The following INPP4B variants were observed in gnomAD, a reference collection of about 807,000 sequenced individuals.
INPP4B encodes inositol polyphosphate 4-phosphatase type II.
In INPP4B, 55 loss-of-function variants were observed where a neutral mutation model predicts 122.5. The ratio of observed to expected loss-of-function variants is 0.45; its 90% CI spans 0.36 to 0.56. INPP4B has a LOEUF of 0.56. Ranked by LOEUF, INPP4B falls within the 20% of genes least tolerant of loss-of-function variation. INPP4B has a pLI of 0.00. For synonymous variants in INPP4B, 403 were observed against 388.7 expected (o/e 1.04, Z -0.43); for missense variants, 1,000 against 1,097.7 (o/e 0.91, Z 1.26).
intron 2 of INPP4B, among the ~76,000 whole-genome samples, chr4:142,586,162 T>C (rs758229581): frequency 2.2e-4 from 34 of 151,756 alleles, no homozygotes; most frequent in Non-Finnish European, 4.3e-4. Context: ...ATGCAAAAAT[T>C]AGCTGGGCAT....
At chr4:142,819,309 T>A (rs1780520903) in intron 1 of INPP4B, among the ~76,000 whole-genome samples, 1 of 152,200 alleles carries the variant, frequency 6.6e-6, no homozygotes, top group Admixed American at 6.5e-5. Context: ...TCATATGGCC[T>A]GCAGAAATTG....
chr4:142,588,511 A>G (rs1736719521), intron 2 of INPP4B, among the ~76,000 whole-genome samples: 1 of 151,386 alleles, frequency 6.6e-6, no homozygotes, highest in South Asian at 2.1e-4. Flanking sequence ...TTTGCTATAC[A>G]TTAGCAATGA....
Position 142,833,739 on chromosome 4 carries a change from T to A in INPP4B, c.-254+12470A>T, listed in dbSNP as rs868232437. Among the ~76,000 whole-genome samples the A allele has an allele frequency of 2.0e-5, 3 of 152,210 alleles. No individual in the cohort carries two copies. The South Asian group carries it at 6.2e-4, about 32-fold the overall frequency. Reference sequence around the variant, plus strand: ...GCCAGCACCAGGTCTTTTTAATAAATGCAAGTTTGTTCAGTTGCATTCTAG... The same window carrying A: ...GCCAGCACCAGGTCTTTTTAATAAAAGCAAGTTTGTTCAGTTGCATTCTAG... On this transcript the variant is annotated intron_variant, in intron 1 of 25. Coordinates refer to ENST00000262992, the MANE Select transcript of INPP4B (RefSeq NM_001101669.3).
intron 11 of INPP4B, among the ~76,000 whole-genome samples, chr4:142,242,784 T>A (rs1413840067): frequency 6.6e-6 from 1 of 152,218 alleles, no homozygotes; most frequent in Non-Finnish European, 1.5e-5. Flanking sequence ...CTCTCCTTTT[T>A]ACATCACATC....
intron 2 of INPP4B, among the ~76,000 whole-genome samples, chr4:142,512,121 A>G (rs1824796730): frequency 6.6e-6 from 1 of 152,226 alleles, no homozygotes; most frequent in South Asian, 2.1e-4. Flanking sequence ...AAAGCAGGAT[A>G]GTAGTATAAA....
rs145355082 is a variant in INPP4B, at chr4:142,409,382, A to G, written c.137-4058T>C. ...GTGGTGGGTGCCTTTAATCCCAGCT[A>G]CTCGGAGGGCTGAGGTGGGAGAGTC... On this transcript the variant is annotated intron_variant, in intron 5 of 25. Coordinates refer to ENST00000262992, the MANE Select transcript of INPP4B (RefSeq NM_001101669.3). Among the ~76,000 whole-genome samples the G allele has an allele frequency of 2.2e-3, 330 of 152,054 alleles. 2 individuals are homozygous for G. Among genetic ancestry groups the G allele is most frequent in the African/African-American group, 7.6e-3 (316 of 41,460 alleles).
At chr4:142,713,531 T>C (rs748295662) in intron 2 of INPP4B, among the ~76,000 whole-genome samples, 6 of 152,222 alleles carry the variant, frequency 3.9e-5, no homozygotes, top group Non-Finnish European at 8.8e-5. Flanking sequence ...TCTACTCTTC[T>C]GAGAAATACT....
chr4:142,628,746 C>A (rs1193415316), intron 2 of INPP4B, among the ~76,000 whole-genome samples: 1 of 151,904 alleles, frequency 6.6e-6, no homozygotes, highest in Non-Finnish European at 1.5e-5. Flanking sequence ...AGTTTCTTTG[C>A]AGAGAAGATA....
At chr4:142,559,153 G>A (rs541440778) in intron 2 of INPP4B, among the ~76,000 whole-genome samples, 36 of 152,138 alleles carry the variant, frequency 2.4e-4, no homozygotes, top group Non-Finnish European at 5.3e-4. Flanking sequence ...TTGTTATAGT[G>A]CTTCTCAGTT....
At chr4:142,721,033 T>C (rs1764591712) in intron 2 of INPP4B, among the ~76,000 whole-genome samples, 1 of 150,612 alleles carries the variant, frequency 6.6e-6, no homozygotes, top group African/African-American at 2.4e-5. Context: ...TACCAATTAT[T>C]TGTAGCCCAG....
At chr4:142,397,287 C>T (rs1313644399) in intron 7 of INPP4B, among the ~76,000 whole-genome samples, 1 of 151,942 alleles carries the variant, frequency 6.6e-6, no homozygotes, top group Admixed American at 6.6e-5. Context: ...GAGGGAACCA[C>T]GTAGTACACA....
At chr4:142,474,149 G>A (rs1695565044) in intron 2 of INPP4B, 1 of 152,270 alleles carries the variant, frequency 6.6e-6, no homozygotes, top group African/African-American at 2.4e-5. Flanking sequence ...ACAGCCTCCT[G>A]TTGTCCTGGG....
At chr4:142,789,917 A>G (rs1776302127) in intron 1 of INPP4B, among the ~76,000 whole-genome samples, 1 of 151,970 alleles carries the variant, frequency 6.6e-6, no homozygotes, top group African/African-American at 2.4e-5. Context: ...AATAGAGAAC[A>G]CAGAAATAAC....
chr4:142,785,863 G>T (rs1011515240), intron 1 of INPP4B, among the ~76,000 whole-genome samples: 2 of 151,962 alleles, frequency 1.3e-5, no homozygotes, highest in Non-Finnish European at 2.9e-5. Context: ...TCTACACCTA[G>T]CCATGTCATA....
chr4:142,553,787 TG>T (rs1291419982), intron 2 of INPP4B, among the ~76,000 whole-genome samples: 1 of 152,208 alleles, frequency 6.6e-6, no homozygotes, highest in Non-Finnish European at 1.5e-5. Flanking sequence ...AAACCTGTCT[TG>T]GGGTCTGCTT....
chr4:142,492,539 A>G (rs1272853550), intron 2 of INPP4B, among the ~76,000 whole-genome samples: 1 of 152,186 alleles, frequency 6.6e-6, no homozygotes, highest in Non-Finnish European at 1.5e-5. Context: ...AAAGAAGTTC[A>G]GGCTGAGGTG....
intron 3 of INPP4B, among the ~76,000 whole-genome samples, chr4:142,451,518 T>G (rs1355936790): frequency 6.6e-6 from 1 of 152,160 alleles, no homozygotes; most frequent in Non-Finnish European, 1.5e-5. Flanking sequence ...CCCAAAATGC[T>G]AAGGTTGCAG....
At chr4:142,074,967 A>G (rs185326271) in intron 25 of INPP4B, among the ~76,000 whole-genome samples, 3 of 151,986 alleles carry the variant, frequency 2.0e-5, no homozygotes, top group Non-Finnish European at 4.4e-5. Context: ...CCTCCTGGCC[A>G]CAGTGATTCT....
chr4:142,443,560 A>G (rs1407191097), intron 3 of INPP4B, among the ~76,000 whole-genome samples: 1 of 152,118 alleles, frequency 6.6e-6, no homozygotes. Flanking sequence ...CCAAGACCCA[A>G]GAACATCGGG....
Sources: gnomAD v4.1 joint callset for allele counts (sites outside exome capture counted in the v4.1 genomes callset) on GRCh38, gnomAD v4.1.1 for gene constraint, MANE v1.5 for transcripts, NCBI Gene and HGNC (gene_info 2026-07-23, HGNC 2026-07-21) for gene names.